Variants in PGBD5 observed in about 807,000 individuals in gnomAD.
PGBD5 encodes the protein piggyBac transposable element derived 5, also known as piggyBac transposable element-derived protein 5.
In PGBD5, 14 loss-of-function variants were observed where a neutral mutation model predicts 47.9. The observed-to-expected ratio is 0.29, with a 90% CI of 0.19 to 0.46. The LOEUF is 0.46. Among genes scored for constraint, PGBD5 ranks in the 20% least tolerant of loss-of-function variants. The probability of loss-of-function intolerance (pLI) is 1.00; values close to 1 mark genes in which losing one functional copy is unlikely to be tolerated. For synonymous variants in PGBD5, 316 were observed against 306.3 expected (o/e 1.03, Z -0.33); for missense variants, 635 against 716.0 (o/e 0.89, Z 1.29).
intron 1 of PGBD5, among the ~76,000 whole-genome samples, chr1:230,407,444 T>C (rs941010780): frequency 2.0e-5 from 3 of 152,236 alleles, no homozygotes; most frequent in Admixed American, 1.3e-4. Context: ...CCTGAATTAA[T>C]GTGCTCCTTC....
chr1:230,338,836 A>G (rs1311603098), intron 3 of PGBD5, among the ~76,000 whole-genome samples: 1 of 152,038 alleles, frequency 6.6e-6, no homozygotes, highest in Non-Finnish European at 1.5e-5. Flanking sequence ...GAAAAGAAAA[A>G]AAAGCCCGCA....
chr1:230,325,315 G>A lies in PGBD5; in HGVS notation c.1374C>T (p.Tyr458=), dbSNP rs1667097930. 6.2e-7 allele frequency: 1 copy of A among 1,611,948 alleles called. No individual in the cohort carries two copies. The highest frequency in any genetic ancestry group is 2.2e-5 in the East Asian group (1 of 44,750). ...LSYICRYDDK[Y]SKYFISHKPN... Reference sequence around the variant, plus strand: ...GGAGGTGCCCAGCCACTTACTTGCTGTATTTGTCATCGTATCTGCAGATGT... The same window carrying A: ...GGAGGTGCCCAGCCACTTACTTGCTATATTTGTCATCGTATCTGCAGATGT... Residue 458 remains tyrosine (Y), a synonymous_variant, in exon 6 of 7, where the codon TAC becomes TAT. Coordinates refer to ENST00000391860, the MANE Select transcript of PGBD5 (RefSeq NM_001258311.2).
intron 1 of PGBD5, among the ~76,000 whole-genome samples, chr1:230,411,644 GA>G (rs370768053): frequency 5.9e-5 from 9 of 152,296 alleles, no homozygotes; most frequent in African/African-American, 2.2e-4. Context: ...CCAAACTTGA[GA>G]GATGAGAAAT....
Position 230,323,279 on chromosome 1 carries a change from AT to A in PGBD5, c.*145del. ...CAGCAACCGTCCTCTGACCAGGTCC[AT>A]CCTGTCCCTCCAGAGGCCCTGTGCA... On this transcript the variant is annotated 3_prime_UTR_variant, in exon 7 of 7. Transcript: ENST00000391860. This position sits in a 1 kb window ranked among gnomAD's most constrained non-coding sequence, Gnocchi z 4.1. The A allele has an allele frequency of 1.2e-6, 1 of 868,360 alleles. No homozygotes were observed. The highest frequency in any genetic ancestry group is 1.7e-6 in the Non-Finnish European group (1 of 576,092). The allele number at this position is 868,360 out of a possible 1,614,324, so 53.8% of individuals were successfully genotyped here.
intron 1 of PGBD5, among the ~76,000 whole-genome samples, chr1:230,411,479 T>C (rs563191898): frequency 2.1e-3 from 322 of 152,322 alleles, no homozygotes; most frequent in Non-Finnish European, 3.2e-3. Context: ...ATCATCAAAC[T>C]GATTCAGTAA....
intron 6 of PGBD5, among the ~76,000 whole-genome samples, chr1:230,324,347 C>G (rs1049850496): frequency 1.3e-5 from 2 of 152,226 alleles, no homozygotes; most frequent in Non-Finnish European, 2.9e-5. Context: ...TCATAGAACA[C>G]AGCAAGGTGC....
At chr1:230,362,239 GC>G (rs1667756637) in intron 1 of PGBD5, 1 of 1,358,534 alleles carries the variant, frequency 7.4e-7, no homozygotes, top group African/African-American at 1.5e-5. Context: ...GTGAGACCTG[GC>G]TGGGATTTAG....
At chr1:230,339,767 G>A (rs1571830124) in intron 3 of PGBD5, among the ~76,000 whole-genome samples, 2 of 152,320 alleles carry the variant, frequency 1.3e-5, no homozygotes, top group East Asian at 3.9e-4. Flanking sequence ...GAGAAACACT[G>A]TATGATCCCA....
rs34929519 is a variant in PGBD5, at chr1:230,393,824, C to CAAA, written c.331+31771_331+31773dup. Among the ~76,000 whole-genome samples, 68 of 77,382 alleles carry CAAA rather than the reference C, an allele frequency of 8.8e-4. 1 individual carries two copies. Among genetic ancestry groups the CAAA allele is most frequent in the African/African-American group, 2.0e-3 (34 of 16,992 alleles). 50.8% of individuals were successfully genotyped at this position (77,382 alleles called of 152,430 possible). On this transcript the variant is annotated intron_variant, in intron 1 of 6. Transcript: ENST00000391860. ...TGGGCGACAGAACGAGACTCCGTCT[C>CAAA]AAAAAAAAAAAAAAAAAAAATAATA...
intron 2 of PGBD5, among the ~76,000 whole-genome samples, chr1:230,352,238 G>A (rs767244618): frequency 3.0e-4 from 46 of 152,146 alleles, no homozygotes; most frequent in Non-Finnish European, 4.0e-4. Flanking sequence ...CTGACAACAC[G>A]CAACAGTGAC....
At chr1:230,338,687 C>A (rs943682079) in intron 3 of PGBD5, among the ~76,000 whole-genome samples, 6 of 152,130 alleles carry the variant, frequency 3.9e-5, no homozygotes, top group African/African-American at 1.4e-4. Flanking sequence ...GTAATCCCAG[C>A]TACTTGGGAG....
intron 1 of PGBD5, chr1:230,368,123 G>A: frequency 7.3e-7 from 1 of 1,367,956 alleles, no homozygotes; most frequent in South Asian, 1.1e-5. Context: ...TGACCACACA[G>A]ATGGTGGTGG....
rs1233516698 is a variant in PGBD5, at chr1:230,315,220, T to G, written c.*8205A>C. On this transcript the variant is annotated 3_prime_UTR_variant, in exon 7 of 7. Coordinates refer to ENST00000391860, the MANE Select transcript of PGBD5 (RefSeq NM_001258311.2). ...CCCCTCACCCCCCACCAGAGTTCCC[T>G]GAAGGAACCAGCTGCCTCTAGTGGG... 1 of 152,182 alleles carries G rather than the reference T, an allele frequency of 6.6e-6. No individual in the cohort carries two copies. Among genetic ancestry groups the G allele is most frequent in the East Asian group, 1.9e-4 (1 of 5,170 alleles). The allele number at this position is 152,182 out of a possible 1,614,324, so 9.4% of individuals were successfully genotyped here.
At chr1:230,392,935 G>A (rs538546123) in intron 1 of PGBD5, among the ~76,000 whole-genome samples, 5 of 151,812 alleles carry the variant, frequency 3.3e-5, no homozygotes, top group African/African-American at 1.2e-4. Context: ...TGCAAGAGAA[G>A]AGGAACTGGA....
At chr1:230,364,939 G>A (rs1667804541) in intron 1 of PGBD5, among the ~76,000 whole-genome samples, 1 of 151,594 alleles carries the variant, frequency 6.6e-6, no homozygotes, top group African/African-American at 2.4e-5. Flanking sequence ...AGAATTGCTT[G>A]AACCCGGGAG....
chr1:230,406,496 T>C (rs150954693), intron 1 of PGBD5, among the ~76,000 whole-genome samples: 6 of 152,152 alleles, frequency 3.9e-5, no homozygotes, highest in Non-Finnish European at 5.9e-5. Flanking sequence ...TTAACAGAAA[T>C]ATTATGAGTA....
At chr1:230,348,546 G>C (rs1402976432) in intron 3 of PGBD5, among the ~76,000 whole-genome samples, 1 of 152,226 alleles carries the variant, frequency 6.6e-6, no homozygotes, top group Non-Finnish European at 1.5e-5. Context: ...CAGTGTGAAA[G>C]CTCTGACGGT....
intron 1 of PGBD5, among the ~76,000 whole-genome samples, chr1:230,365,979 A>G (rs1195443778): frequency 2.0e-5 from 3 of 152,260 alleles, no homozygotes; most frequent in Non-Finnish European, 4.4e-5. Context: ...CATTGTGCCT[A>G]GCACAGGGAT....
chr1:230,347,537 T>C (rs1266171501), intron 3 of PGBD5, among the ~76,000 whole-genome samples: 1 of 145,260 alleles, frequency 6.9e-6, no homozygotes, highest in East Asian at 2.0e-4. Flanking sequence ...TGGAGTGCAG[T>C]GGTGCGATCT....
Sources: gnomAD v4.1 joint callset for allele counts (sites outside exome capture counted in the v4.1 genomes callset) on GRCh38, gnomAD v4.1.1 for gene constraint, Gnocchi (gnomAD v3.1) non-coding constraint, MANE v1.5 for transcripts, NCBI Gene and HGNC (gene_info 2026-07-23, HGNC 2026-07-21) for gene names.